Variants in GRID2 observed in about 807,000 individuals in gnomAD.
GRID2 encodes glutamate ionotropic receptor delta type subunit 2.
A neutral mutation model predicts 114.8 loss-of-function variants in GRID2; 33 were observed. That is an observed-to-expected ratio of 0.29 (90% CI 0.22 to 0.38). GRID2 has a LOEUF of 0.38. GRID2 is among the 10% of genes least tolerant of loss of function. GRID2 has a pLI of 1.00. For synonymous variants in GRID2, 505 were observed against 449.9 expected (o/e 1.12, Z -1.55); for missense variants, 1,184 against 1,257.7 (o/e 0.94, Z 0.89).
chr4:92,917,799 G>C (rs895477426), intron 2 of GRID2, among the ~76,000 whole-genome samples: 6 of 152,134 alleles, frequency 3.9e-5, no homozygotes, highest in Non-Finnish European at 7.3e-5. Context: ...CTCCAGCTTT[G>C]TTCTTTTGGC....
At chr4:93,654,977 T>G (rs973879282) in intron 14 of GRID2, among the ~76,000 whole-genome samples, 5 of 152,176 alleles carry the variant, frequency 3.3e-5, no homozygotes, top group African/African-American at 9.6e-5. Context: ...TCCAGATCCT[T>G]TATCATTCTT....
chr4:92,463,495 C>G (rs1379655615), intron 1 of GRID2, among the ~76,000 whole-genome samples: 1 of 151,918 alleles, frequency 6.6e-6, no homozygotes, highest in East Asian at 1.9e-4. Flanking sequence ...ACTCAAAACT[C>G]CACTGTCTCT....
intron 2 of GRID2, among the ~76,000 whole-genome samples, chr4:93,047,676 TAAC>T (rs1437291805): frequency 6.6e-6 from 1 of 152,078 alleles, no homozygotes; most frequent in Admixed American, 6.6e-5. Context: ...AAATGATATT[TAAC>T]AACATTAGTC....
At chr4:92,791,409 G>T (rs1739584869) in intron 2 of GRID2, among the ~76,000 whole-genome samples, 1 of 151,702 alleles carries the variant, frequency 6.6e-6, no homozygotes, top group South Asian at 2.1e-4. Context: ...AAACATCTGA[G>T]TACACAATCT....
chr4:92,495,885 T>C (rs529202343), intron 1 of GRID2, among the ~76,000 whole-genome samples: 11 of 151,986 alleles, frequency 7.2e-5, no homozygotes, highest in Non-Finnish European at 1.3e-4. Flanking sequence ...AGATTTTAGA[T>C]AGTATTCAAC....
intron 9 of GRID2, among the ~76,000 whole-genome samples, chr4:93,422,494 G>A (rs755754098): frequency 3.9e-5 from 6 of 152,108 alleles, no homozygotes; most frequent in Non-Finnish European, 5.9e-5. Context: ...TTGGTCCTCC[G>A]AGGACAGGAA....
chr4:93,288,686 A>G (rs1304696123), intron 8 of GRID2, among the ~76,000 whole-genome samples: 1 of 152,206 alleles, frequency 6.6e-6, no homozygotes. Flanking sequence ...CTAACCATAC[A>G]TTGATATGTT....
At chr4:93,734,189 A>C (rs1394312419) in intron 14 of GRID2, among the ~76,000 whole-genome samples, 5 of 152,076 alleles carry the variant, frequency 3.3e-5, no homozygotes, top group Non-Finnish European at 7.4e-5. Flanking sequence ...CTTAATACAT[A>C]TGAAAACACC....
rs138235648 is a variant in GRID2, at chr4:92,312,016, G to A, written c.88+7272G>A. On this transcript the variant is annotated intron_variant, in intron 1 of 15. Transcript: ENST00000282020. The stretch of plus-strand genomic sequence containing the variant: ...CAAAGTATGTTTTCATTGGAACAGA[G>A]ACTTGATCCAAAGAAAGGATGTGAA... 1.1e-4 allele frequency among the ~76,000 whole-genome samples: 16 copies of A among 151,938 alleles called. No individual in the cohort carries two copies. The East Asian group carries it at 3.1e-3, about 29-fold the overall frequency.
chr4:93,301,421 G>C (rs530136009), intron 8 of GRID2, among the ~76,000 whole-genome samples: 3 of 151,938 alleles, frequency 2.0e-5, no homozygotes, highest in African/African-American at 7.2e-5. Flanking sequence ...GTTTAAACTG[G>C]GATTCGTTAA....
chr4:93,616,489 G>A (rs964314885), intron 13 of GRID2, among the ~76,000 whole-genome samples: 1 of 149,704 alleles, frequency 6.7e-6, no homozygotes, highest in African/African-American at 2.4e-5. Context: ...GGAGGCTGCA[G>A]TGGTCTCAGA....
At chr4:93,232,375 G>C (rs1746252501) in intron 7 of GRID2, among the ~76,000 whole-genome samples, 2 of 151,726 alleles carry the variant, frequency 1.3e-5, no homozygotes, top group South Asian at 4.2e-4. Flanking sequence ...ACCAATTTCT[G>C]TTAAAATTTT....
intron 8 of GRID2, among the ~76,000 whole-genome samples, chr4:93,348,778 G>A (rs1416644891): frequency 6.6e-6 from 1 of 151,980 alleles, no homozygotes; most frequent in East Asian, 1.9e-4. Flanking sequence ...ACACGTAGAG[G>A]GAAAACAATC....
intron 1 of GRID2, among the ~76,000 whole-genome samples, chr4:92,524,240 ATTAAT>A (rs1724925933): frequency 6.6e-6 from 1 of 151,986 alleles, no homozygotes; most frequent in African/African-American, 2.4e-5. Context: ...TAATGGGTAT[ATTAAT>A]TTCCTTTTGC....
intron 13 of GRID2, among the ~76,000 whole-genome samples, chr4:93,573,628 G>A (rs1316298352): frequency 3.3e-5 from 5 of 152,046 alleles, no homozygotes; most frequent in Non-Finnish European, 7.4e-5. Flanking sequence ...GCTGCTGCTG[G>A]ACTTTTTAAT....
chr4:92,736,483 A>T (rs1736604011), intron 2 of GRID2, among the ~76,000 whole-genome samples: 1 of 152,140 alleles, frequency 6.6e-6, no homozygotes, highest in African/African-American at 2.4e-5. Context: ...TCTAAAAAAG[A>T]TAAAGAGCAG....
At chr4:93,591,705 A>T (rs1348918780) in intron 13 of GRID2, among the ~76,000 whole-genome samples, 3 of 151,998 alleles carry the variant, frequency 2.0e-5, no homozygotes, top group African/African-American at 7.2e-5. Context: ...TTTGGTTGGT[A>T]AGGTATTGAT....
intron 2 of GRID2, among the ~76,000 whole-genome samples, chr4:92,760,207 C>T (rs1332490114): frequency 7.6e-6 from 1 of 132,088 alleles, no homozygotes; most frequent in Non-Finnish European, 1.5e-5. Flanking sequence ...CACTGCACTC[C>T]AGCCTGGGTG....
chr4:92,571,762 A>G (rs1361193989), intron 1 of GRID2, among the ~76,000 whole-genome samples: 2 of 152,190 alleles, frequency 1.3e-5, no homozygotes, highest in Non-Finnish European at 2.9e-5. Flanking sequence ...TGGAAACTGA[A>G]CAACCTGCTC....
Sources: allele counts gnomAD v4.1 joint callset (sites outside exome capture counted in the v4.1 genomes callset), GRCh38; gene constraint gnomAD v4.1.1; transcripts MANE v1.5; gene names NCBI Gene and HGNC (gene_info 2026-07-23, HGNC 2026-07-21).